UNC5D: variants seen among roughly 807,000 people sequenced by gnomAD.
The protein encoded by UNC5D is unc-5 netrin receptor D, also known as netrin receptor UNC5D.
In UNC5D, 39 loss-of-function variants were observed where a neutral mutation model predicts 105.4. The observed-to-expected ratio is 0.37, with a 90% confidence interval of 0.29 to 0.48. UNC5D has a LOEUF of 0.48. Ranked by LOEUF, UNC5D falls within the 20% of genes least tolerant of loss-of-function variation. UNC5D has a pLI of 0.98. For synonymous variants in UNC5D, 452 were observed against 450.4 expected, an observed-to-expected ratio of 1.00 and a Z score of -0.04; for missense variants, 991 against 1,202.4, an observed-to-expected ratio of 0.82 and a Z score of 2.60.
chr8:35,513,878 G>A (rs1177342688), intron 1 of UNC5D, among the ~76,000 whole-genome samples: 1 of 152,188 alleles, frequency 6.6e-6, no homozygotes, highest in African/African-American at 2.4e-5. Context: ...AAATGATGCA[G>A]TAAACTGGCA....
rs377183941 is a variant in UNC5D at position 35,308,455 on chromosome 8, C to T, written c.103+72568C>T. On this transcript the variant is annotated intron_variant, in intron 1 of 16. Transcript: ENST00000404895. ...ATTAACAAATTTATTCATTTGGGCC[C>T]TATTACACTTCTCCTGTCAACTCTA... 5.9e-5 allele frequency among the ~76,000 whole-genome samples: 9 copies of T among 152,182 alleles called. No homozygotes were observed. The South Asian group carries it at 1.9e-3, about 32-fold the overall frequency.
At chr8:35,285,869 G>A (rs1585497083) in intron 1 of UNC5D, among the ~76,000 whole-genome samples, 1 of 152,142 alleles carries the variant, frequency 6.6e-6, no homozygotes, top group Admixed American at 6.5e-5. Flanking sequence ...CTTTGTAGTC[G>A]AGTGAGGTGA....
chr8:35,679,402 AGCCATGGTACC>A (rs1413406314), intron 4 of UNC5D, among the ~76,000 whole-genome samples: 2 of 152,164 alleles, frequency 1.3e-5, no homozygotes, highest in Non-Finnish European at 2.9e-5. Context: ...AGTGGGATTG[AGCCATGGTACC>A]ACCTATGGGA....
chr8:35,677,110 C>T (rs1229678022), intron 4 of UNC5D, among the ~76,000 whole-genome samples: 1 of 152,026 alleles, frequency 6.6e-6, no homozygotes, highest in African/African-American at 2.4e-5. Flanking sequence ...CTACGTTTTG[C>T]CACGGTCATC....
At chr8:35,454,334 G>A (rs1161047712) in intron 1 of UNC5D, among the ~76,000 whole-genome samples, 2 of 152,092 alleles carry the variant, frequency 1.3e-5, no homozygotes, top group African/African-American at 4.8e-5. Context: ...AGTTACTAGT[G>A]AAGGGAATCA....
chr8:35,455,131 C>G (rs1808401044), intron 1 of UNC5D, among the ~76,000 whole-genome samples: 1 of 152,126 alleles, frequency 6.6e-6, no homozygotes, highest in African/African-American at 2.4e-5. Context: ...TGTCATCCAT[C>G]AACCTGTCTG....
At chr8:35,534,766 A>G (rs1814707247) in intron 1 of UNC5D, among the ~76,000 whole-genome samples, 1 of 152,034 alleles carries the variant, frequency 6.6e-6, no homozygotes, top group Non-Finnish European at 1.5e-5. Context: ...CCTGTAGTCA[A>G]ACTTGTTTTA....
chr8:35,749,525 A>C (rs1830162684), intron 12 of UNC5D, among the ~76,000 whole-genome samples: 1 of 152,204 alleles, frequency 6.6e-6, no homozygotes, highest in African/African-American at 2.4e-5. Flanking sequence ...TTTCTTTAGA[A>C]GAAGAAAATT....
chr8:35,289,423 C>G (rs935584002), intron 1 of UNC5D, among the ~76,000 whole-genome samples: 1 of 152,136 alleles, frequency 6.6e-6, no homozygotes, highest in Non-Finnish European at 1.5e-5. Flanking sequence ...GGAATCTGAA[C>G]ACCACACTTT....
At chr8:35,379,540 C>A (rs566860808) in intron 1 of UNC5D, among the ~76,000 whole-genome samples, 1 of 152,244 alleles carries the variant, frequency 6.6e-6, no homozygotes, top group African/African-American at 2.4e-5. Context: ...TTTTCTAGAA[C>A]AACTGCAGGC....
chr8:35,536,245 T>A (rs889672470), intron 1 of UNC5D, among the ~76,000 whole-genome samples: 1 of 152,222 alleles, frequency 6.6e-6, no homozygotes. Flanking sequence ...GGGCGCAGCT[T>A]CTTTGCTGGA....
Position 35,696,415 on chromosome 8 carries a change from A to G in UNC5D, c.1085-9514A>G, listed in dbSNP as rs564613846. Among the ~76,000 whole-genome samples, 3 of 151,000 alleles carry G rather than the reference A, an allele frequency of 2.0e-5. No homozygotes were observed. In the Admixed American group the frequency reaches 2.0e-4, roughly 10 times the overall value. Reference sequence around the variant, plus strand: ...CCTCATTTTATTAGTTCTGTAAATTACAAATTTTACATTTGCAGTGTAATT... The same window carrying G: ...CCTCATTTTATTAGTTCTGTAAATTGCAAATTTTACATTTGCAGTGTAATT... On this transcript the variant is annotated intron_variant, in intron 7 of 16. Transcript: ENST00000404895.
rs1825886426 is a variant in UNC5D at position 35,684,577 on chromosome 8, C to T, written c.752-5C>T. 2 of 1,606,620 alleles carry T rather than the reference C, an allele frequency of 1.2e-6. No homozygotes were observed. Among genetic ancestry groups the T allele is most frequent in the Non-Finnish European group, 8.5e-7 (1 of 1,177,962 alleles). ...TTTTCTCCCCTCCCCATTTTTCTCTCTCAGTGAATGGAGGCTGGTCTTCCT... is the reference window on the plus strand; with the variant it reads ...TTTTCTCCCCTCCCCATTTTTCTCTTTCAGTGAATGGAGGCTGGTCTTCCT... On this transcript the variant is annotated splice_polypyrimidine_tract_variant and splice_region_variant and intron_variant, in intron 5 of 16. Coordinates refer to ENST00000404895, the MANE Select transcript of UNC5D (RefSeq NM_080872.4).
chr8:35,669,984 T>TGAG (rs897334927), intron 4 of UNC5D, among the ~76,000 whole-genome samples: 3 of 152,202 alleles, frequency 2.0e-5, no homozygotes. Flanking sequence ...ATGAATGACA[T>TGAG]GAGTCTGGAT....
chr8:35,455,554 C>G (rs1808433601), intron 1 of UNC5D, among the ~76,000 whole-genome samples: 1 of 151,952 alleles, frequency 6.6e-6, no homozygotes. Context: ...GCTGGGATTA[C>G]AGGCATGAAC....
chr8:35,290,312 A>G (rs1354427676), intron 1 of UNC5D, among the ~76,000 whole-genome samples: 1 of 152,168 alleles, frequency 6.6e-6, no homozygotes, highest in Non-Finnish European at 1.5e-5. Context: ...CTACTCTTAG[A>G]CCTTAAAAAA....
rs1351501187 is a variant in UNC5D, at chr8:35,670,767, A to G, written c.571-12780A>G. Among the ~76,000 whole-genome samples the G allele has an allele frequency of 3.8e-4, 57 of 149,340 alleles. No homozygotes were observed. In the Admixed American group the frequency reaches 3.9e-3, roughly 10 times the overall value. ...GACAAATACCTAATGCATGTGGGCC[A>G]TAAAACCTTGATGACAGGTTGATAG... is the stretch of plus-strand genomic sequence containing the variant. On this transcript the variant is annotated intron_variant, in intron 4 of 16. Transcript: ENST00000404895.
At chr8:35,428,242 C>T (rs1223236252) in intron 1 of UNC5D, among the ~76,000 whole-genome samples, 1 of 151,930 alleles carries the variant, frequency 6.6e-6, no homozygotes, top group African/African-American at 2.4e-5. Flanking sequence ...CACAGTGGCG[C>T]CATCTCAGCT....
intron 1 of UNC5D, among the ~76,000 whole-genome samples, chr8:35,389,264 T>C (rs1353580935): frequency 6.6e-6 from 1 of 152,208 alleles, no homozygotes; most frequent in Non-Finnish European, 1.5e-5. Context: ...TGATTTCTGT[T>C]ATTTGTGGCC....
Sources: gnomAD v4.1 joint callset for allele counts (sites outside exome capture counted in the v4.1 genomes callset) on GRCh38, gnomAD v4.1.1 for gene constraint, MANE v1.5 for transcripts, NCBI Gene and HGNC (gene_info 2026-07-23, HGNC 2026-07-21) for gene names.